Variants in AFF2 observed in about 807,000 individuals in gnomAD.
AFF2 encodes AF4/FMR2 family member 2.
AFF2 carries 14 observed loss-of-function variants against 76.9 expected under a neutral mutation model. The ratio of observed to expected loss-of-function variants is 0.18; its 90% CI spans 0.12 to 0.28. The LOEUF (loss-of-function observed/expected upper bound fraction) is 0.28. AFF2 is among the 10% of genes least tolerant of loss of function. AFF2 has a pLI of 1.00. For synonymous variants in AFF2, 398 were observed against 366.7 expected, an observed-to-expected ratio of 1.09 and a Z score of -0.98; for missense variants, 868 against 1,001.1, an observed-to-expected ratio of 0.87 and a Z score of 1.79.
In AFF2 at chrX:148,644,898, A is replaced by T. The variant is rs148331599; in HGVS notation, c.48-7101A>T. Among the ~76,000 whole-genome samples the T allele has an allele frequency of 2.2e-3, 245 of 112,293 alleles. 1 individual carries two copies. The highest frequency in any genetic ancestry group is 1.9e-3 in the Non-Finnish European group (103 of 53,232). Reference sequence around the variant, plus strand: ...TATGCCCTGAGCCTGGAGATTTATAAAATCTTCTCTGGATGATTCTGATAG... The same window carrying T: ...TATGCCCTGAGCCTGGAGATTTATATAATCTTCTCTGGATGATTCTGATAG... On this transcript the variant is annotated intron_variant, in intron 1 of 20. Transcript: ENST00000370460.
At chrX:148,674,532 G>A (rs140115691) in intron 3 of AFF2, among the ~76,000 whole-genome samples, 1 of 112,319 alleles carries the variant, frequency 8.9e-6, no homozygotes, top group East Asian at 2.8e-4. Context: ...ACAGGTGGAT[G>A]TAAATGTTGT....
At chrX:148,876,615 G>A (rs2071038750) in intron 7 of AFF2, among the ~76,000 whole-genome samples, 1 of 111,864 alleles carries the variant, frequency 8.9e-6, no homozygotes, top group African/African-American at 3.2e-5. Flanking sequence ...CATTCACAAT[G>A]AGACCTTAGT....
rs1450288900 is a variant in AFF2 at position 148,980,805 on chromosome X, A to C, written c.3623+15A>C. On this transcript the variant is annotated intron_variant, in intron 19 of 20. Coordinates refer to ENST00000370460, the MANE Select transcript of AFF2 (RefSeq NM_002025.4). Reference sequence around the variant, plus strand: ...AGCAATGGAAAGTAAGTATTTTCTGAAAATTGCTTTTTCGTGAAGATGAGT... The same window carrying C: ...AGCAATGGAAAGTAAGTATTTTCTGCAAATTGCTTTTTCGTGAAGATGAGT... 1.7e-6 allele frequency: 2 copies of C among 1,173,302 alleles called. No homozygotes were observed. The highest frequency in any genetic ancestry group is 1.2e-6 in the Non-Finnish European group (1 of 866,791).
intron 1 of AFF2, among the ~76,000 whole-genome samples, chrX:148,650,104 C>T (rs1352188291): frequency 1.8e-5 from 2 of 111,061 alleles, no homozygotes; most frequent in Non-Finnish European, 1.9e-5. Context: ...CCCCATAACA[C>T]CCAATCTTTC....
At chrX:148,762,778 A>G (rs1406067908) in intron 3 of AFF2, among the ~76,000 whole-genome samples, 4 of 110,760 alleles carry the variant, frequency 3.6e-5, no homozygotes, top group Non-Finnish European at 7.5e-5. Flanking sequence ...ACTTGGACTA[A>G]ATATCCAGGC....
intron 4 of AFF2, among the ~76,000 whole-genome samples, chrX:148,820,471 A>G (rs1355063636): frequency 8.9e-6 from 1 of 112,359 alleles, no homozygotes; most frequent in Admixed American, 9.5e-5. Context: ...ACTCAGATTT[A>G]TACATTCAGA....
chrX:148,877,475 G>A (rs996960460), intron 7 of AFF2, among the ~76,000 whole-genome samples: 8 of 112,602 alleles, frequency 7.1e-5, no homozygotes, highest in Non-Finnish European at 1.5e-4. Context: ...AATCAGGTGG[G>A]ATTTTTATAA....
At chrX:148,892,412 G>C (rs1557279851) in intron 8 of AFF2, among the ~76,000 whole-genome samples, 1 of 110,460 alleles carries the variant, frequency 9.1e-6, no homozygotes. Context: ...TTTAATCCAG[G>C]TCTTATATTT....
At chrX:148,967,125 G>C (rs782559995) in intron 14 of AFF2, 46 bp downstream of exon 14, 32 of 1,191,232 alleles carry the variant, frequency 2.7e-5, no homozygotes, top group Non-Finnish European at 3.6e-5. Context: ...TAGTGAATGG[G>C]GGGTGGGGGT....
Position 148,993,533 on chromosome X carries a change from G to A in AFF2, c.*2201G>A, listed in dbSNP as rs983679273. 2 of 112,120 alleles carry A rather than the reference G, an allele frequency of 1.8e-5. No individual in the cohort carries two copies. Among genetic ancestry groups the A allele is most frequent in the African/African-American group, 3.2e-5 (1 of 30,852 alleles). The allele number at this position is 112,120 out of a possible 1,213,427, so 9.2% of individuals were successfully genotyped here. On this transcript the variant is annotated 3_prime_UTR_variant, in exon 21 of 21. Coordinates refer to ENST00000370460, the MANE Select transcript of AFF2 (RefSeq NM_002025.4). ...ATCCTAGACCATCATGGATTTAGGA[G>A]TAGATTCTTCTTGAAATCCCACATC...
intron 9 of AFF2, among the ~76,000 whole-genome samples, chrX:148,952,949 G>A (rs1488398585): frequency 9.0e-6 from 1 of 111,274 alleles, no homozygotes; most frequent in South Asian, 3.9e-4. Context: ...CAGGCCCTCA[G>A]CAATGAATAT....
At chrX:148,740,151 C>T (rs782155800) in intron 3 of AFF2, among the ~76,000 whole-genome samples, 2 of 111,617 alleles carry the variant, frequency 1.8e-5, no homozygotes, top group Non-Finnish European at 3.8e-5. Flanking sequence ...TTGTGATGAA[C>T]TTCCTAGGTG....
At chrX:148,816,251 A>G (rs995507523) in intron 4 of AFF2, among the ~76,000 whole-genome samples, 2 of 111,506 alleles carry the variant, frequency 1.8e-5, no homozygotes, top group Admixed American at 1.9e-4. Context: ...CACATTGAGG[A>G]AGTAGCCTCT....
At chrX:148,825,335 A>G (rs983128853) in intron 4 of AFF2, among the ~76,000 whole-genome samples, 1 of 111,843 alleles carries the variant, frequency 8.9e-6, no homozygotes, top group Admixed American at 9.4e-5. Flanking sequence ...TCTCTGTATT[A>G]TTGAGTGGAT....
At chrX:148,790,958 G>A (rs2069885926) in intron 3 of AFF2, among the ~76,000 whole-genome samples, 1 of 112,168 alleles carries the variant, frequency 8.9e-6, no homozygotes, top group South Asian at 3.7e-4. Flanking sequence ...TCTCATTAGA[G>A]CTAAATGGAA....
At chrX:148,916,434 T>C (rs2071533532) in intron 9 of AFF2, among the ~76,000 whole-genome samples, 1 of 108,745 alleles carries the variant, frequency 9.2e-6, no homozygotes, top group Non-Finnish European at 1.9e-5. Context: ...ATGGTCTCGA[T>C]CTCCTGACCT....
chrX:148,905,192 A>T (rs1458774071), intron 9 of AFF2, among the ~76,000 whole-genome samples: 1 of 112,369 alleles, frequency 8.9e-6, no homozygotes, highest in African/African-American at 3.2e-5. Context: ...TTTCCAGAGC[A>T]CCAGGGTAGC....
At chrX:148,692,363 T>C (rs2054662888) in intron 3 of AFF2, among the ~76,000 whole-genome samples, 1 of 111,981 alleles carries the variant, frequency 8.9e-6, no homozygotes, top group African/African-American at 3.3e-5. Context: ...AAGCAAAATC[T>C]TTAGGATTGC....
intron 20 of AFF2, among the ~76,000 whole-genome samples, chrX:148,987,922 A>C (rs897452862): frequency 9.0e-6 from 1 of 111,670 alleles, no homozygotes; most frequent in African/African-American, 3.3e-5. Flanking sequence ...TTTTTTTGAG[A>C]GGTGAGGTTG....
Sources: allele counts gnomAD v4.1 joint callset (sites outside exome capture counted in the v4.1 genomes callset), GRCh38; gene constraint gnomAD v4.1.1; transcripts MANE v1.5; gene names NCBI Gene and HGNC (gene_info 2026-07-23, HGNC 2026-07-21).